The following RTN2 variants were observed in gnomAD, a reference collection of about 807,000 sequenced individuals.
RTN2 encodes reticulon 2, also known as reticulon-2.
RTN2 carries 36 observed loss-of-function variants against 63.7 expected under a neutral mutation model. The ratio of observed to expected loss-of-function variants is 0.56; its 90% CI spans 0.43 to 0.75. The LOEUF is 0.75. Ranked by LOEUF, RTN2 falls within the 30% of genes least tolerant of loss-of-function variation. The pLI is 0.00. For missense variants in RTN2, 673 were observed against 705.1 expected (o/e 0.95, Z 0.52); for synonymous variants, 312 against 313.0 (o/e 1.00, Z 0.03).
intron 4 of RTN2, chr19:45,493,843 A>G: frequency 3.1e-6 from 1 of 322,538 alleles, no homozygotes; most frequent in Non-Finnish European, 5.8e-6. Flanking sequence ...TTCCAGGTTC[A>G]AGCGATTCTC....
At chr19:45,486,364 G>A (rs1228563704) in intron 9 of RTN2, among the ~76,000 whole-genome samples, 1 of 152,202 alleles carries the variant, frequency 6.6e-6, no homozygotes, top group African/African-American at 2.4e-5. Flanking sequence ...CAGTGAGGCC[G>A]TGTCCTGGGC....
intron 4 of RTN2, among the ~76,000 whole-genome samples, chr19:45,493,590 C>T (rs1462658172): frequency 2.0e-5 from 3 of 151,856 alleles, no homozygotes; most frequent in Admixed American, 2.0e-4. Context: ...CCACTGCGCC[C>T]GGCCAAAAAG....
rs200770145 is a variant in RTN2, at chr19:45,489,676, C to CT, written c.1034-124dup. 80,295 of 495,940 alleles carry CT rather than the reference C, an allele frequency of 0.16. 3,343 individuals carry two copies. Among genetic ancestry groups the CT allele is most frequent in the Non-Finnish European group, 0.18 (50,722 of 285,004 alleles). 30.7% of individuals were successfully genotyped at this position (495,940 alleles called of 1,614,324 possible). ...ACCTGTTTGAGCATAACCTGATTTC[C>CT]TTTTTTTTTTTTTTTTTTTGAGAGA... On this transcript the variant is annotated intron_variant, in intron 5 of 10. Transcript: ENST00000245923.
intron 9 of RTN2, among the ~76,000 whole-genome samples, chr19:45,487,031 C>CTTTTTTTTT (rs1568621255): frequency 6.2e-5 from 5 of 80,338 alleles, no homozygotes; most frequent in Non-Finnish European, 1.3e-4. Flanking sequence ...CCATGCCCAG[C>CTTTTTTTTT]CTTTTTTTTT....
chr19:45,493,921 C>G, intron 4 of RTN2: 3 of 496,654 alleles, frequency 6.0e-6, no homozygotes, highest in East Asian at 7.9e-5. Context: ...AACTCCTCAC[C>G]TCAAGTGATC....
At chr19:45,491,197 T>A (rs1968151449) in intron 5 of RTN2, among the ~76,000 whole-genome samples, 1 of 151,508 alleles carries the variant, frequency 6.6e-6, no homozygotes, top group African/African-American at 2.4e-5. Context: ...GCCACATTTT[T>A]TTTTTTTTTA....
At chr19:45,491,439 C>A (rs1211124152) in intron 5 of RTN2, among the ~76,000 whole-genome samples, 1 of 151,346 alleles carries the variant, frequency 6.6e-6, no homozygotes, top group Non-Finnish European at 1.5e-5. Context: ...CAGCTCACTG[C>A]AGCCTCTGCC....
chr19:45,487,208 T>C (rs1222144006), intron 9 of RTN2, among the ~76,000 whole-genome samples: 1 of 151,890 alleles, frequency 6.6e-6, no homozygotes, highest in African/African-American at 2.4e-5. Flanking sequence ...CACACCTGGC[T>C]AGTTTTTAAC....
rs759898844 is a variant in RTN2, at chr19:45,494,617, G to A, written c.468C>T (p.Ser156=). The stretch of plus-strand genomic sequence containing the variant: ...AGCTGCTGGTGGAAGAGTCCTCCCC[G>A]GATCCCGTTCCCCGGGCCACCCAGC... ...HLGWVARGTG[S]GEDSSTSSST... The change falls in exon 3 of 11, where the codon TCC becomes TCT. Residue 156 remains serine (S), a synonymous_variant. Coordinates refer to ENST00000245923, the MANE Select transcript of RTN2 (RefSeq NM_005619.5). The surrounding 1 kb of genome is among the most constrained non-coding windows in gnomAD (Gnocchi z 5.3). The A allele has an allele frequency of 9.3e-6, 15 of 1,613,902 alleles. No homozygotes were observed. The South Asian group carries it at 1.1e-4, about 12-fold the overall frequency.
Position 45,494,005 on chromosome 19 carries a change from A to G in RTN2, c.814+161T>C, listed in dbSNP as rs1394817762. 1.6e-6 allele frequency: 2 copies of G among 1,245,354 alleles called. No homozygotes were observed. The highest frequency in any genetic ancestry group is 3.0e-5 in the African/African-American group (2 of 66,266). The allele number at this position is 1,245,354 out of a possible 1,614,324, so 77.1% of individuals were successfully genotyped here. On this transcript the variant is annotated intron_variant, in intron 4 of 10. Coordinates refer to ENST00000245923, the MANE Select transcript of RTN2 (RefSeq NM_005619.5). This position sits in a 1 kb window ranked among gnomAD's most constrained non-coding sequence, Gnocchi z 5.3. Reference sequence around the variant, plus strand: ...GCGCCCGGCCGGGGAAATTTTTTTAAAAAGCGGAGTTTATCACGTCTAGCC... The same window carrying G: ...GCGCCCGGCCGGGGAAATTTTTTTAGAAAGCGGAGTTTATCACGTCTAGCC...
In RTN2 at chr19:45,496,920, C is replaced by A. The variant is rs1968284928; in HGVS notation, c.-95G>T. The A allele has an allele frequency of 2.9e-6, 2 of 691,940 alleles. No homozygotes were observed. The highest frequency in any genetic ancestry group is 4.2e-6 in the Non-Finnish European group (2 of 476,130). 42.9% of individuals were successfully genotyped at this position (691,940 alleles called of 1,614,324 possible). ...GCGCTCATCTCCGCCGCGCCCACGA[C>A]GCCGCTGCCATTCTCGCCGCCTCCT... On this transcript the variant is annotated 5_prime_UTR_variant, in exon 1 of 11. Transcript: ENST00000245923.
At chr19:45,496,752 C>T in intron 1 of RTN2, 40 bp downstream of exon 1, 1 of 1,425,566 alleles carries the variant, frequency 7.0e-7, no homozygotes, top group Non-Finnish European at 9.4e-7. Context: ...CCACCTGAAC[C>T]TCTGGGGCCC....
chr19:45,494,603 G>C lies in RTN2; in HGVS notation c.482C>G (p.Ser161Cys). 1 of 1,614,044 alleles carries C rather than the reference G, an allele frequency of 6.2e-7. No homozygotes were observed. The highest frequency in any genetic ancestry group is 1.1e-5 in the South Asian group (1 of 91,080). ...TTCCAGCGGGGTGGAGCTGCTGGTGGAAGAGTCCTCCCCGGATCCCGTTCC... is the reference window on the plus strand; with the variant it reads ...TTCCAGCGGGGTGGAGCTGCTGGTGCAAGAGTCCTCCCCGGATCCCGTTCC... Reference protein sequence around the residue: ...ARGTGSGEDSSTSSSTPLEDE... With the variant: ...ARGTGSGEDSCTSSSTPLEDE... Residue 161 changes from serine (S) to cysteine (C), a missense_variant, in exon 3 of 11, where the codon TCC becomes TGC. Coordinates refer to ENST00000245923, the MANE Select transcript of RTN2 (RefSeq NM_005619.5). This position sits in a 1 kb window ranked among gnomAD's most constrained non-coding sequence, Gnocchi z 5.3.
At chr19:45,490,276 A>C (rs1384469507) in intron 5 of RTN2, among the ~76,000 whole-genome samples, 2 of 152,156 alleles carry the variant, frequency 1.3e-5, no homozygotes, top group Non-Finnish European at 2.9e-5. Context: ...CTGGGATTAC[A>C]GGCATGTGCT....
In RTN2 at chr19:45,494,276, A is replaced by G. The variant is rs766801044; in HGVS notation, c.704T>C (p.Leu235Ser). ...RDSNSGPEEP[L>S]LEEEEKQWGP... Reference sequence around the variant, plus strand: ...CCACTGCTTTTCTTCCTCTTCCAGCAATGGCTCTTCGGGCCCAGAGTTCGA... The same window carrying G: ...CCACTGCTTTTCTTCCTCTTCCAGCGATGGCTCTTCGGGCCCAGAGTTCGA... Residue 235 changes from leucine (L) to serine (S), a missense_variant, in exon 4 of 11, where the codon TTG becomes TCG. Transcript: ENST00000245923. The surrounding 1 kb of genome is among the most constrained non-coding windows in gnomAD (Gnocchi z 5.3). The G allele has an allele frequency of 6.2e-7, 1 of 1,613,870 alleles. No individual in the cohort carries two copies. The highest frequency in any genetic ancestry group is 2.2e-5 in the East Asian group (1 of 44,868).
intron 9 of RTN2, among the ~76,000 whole-genome samples, chr19:45,488,210 A>G (rs1968069920): frequency 6.7e-6 from 1 of 149,908 alleles, no homozygotes; most frequent in African/African-American, 2.5e-5. Flanking sequence ...CCGAGATCAC[A>G]CCACTGCACT....
At position 45,495,141 on chromosome 19, in the gene RTN2, T is replaced by A; in HGVS notation, c.35-2A>T. Reference sequence around the variant, plus strand: ...AGGAGGCTGTAGACGGAGCTTCTTCTGCGAGAGGGAAAGAATCGAAGACTC... The same window carrying A: ...AGGAGGCTGTAGACGGAGCTTCTTCAGCGAGAGGGAAAGAATCGAAGACTC... On this transcript the variant is annotated splice_acceptor_variant, in intron 1 of 10. Transcript: ENST00000245923. LOFTEE classifies it high-confidence loss of function. The A allele has an allele frequency of 1.2e-6, 2 of 1,614,056 alleles. No homozygotes were observed. The highest frequency in any genetic ancestry group is 1.7e-6 in the Non-Finnish European group (2 of 1,180,000).
Position 45,488,709 on chromosome 19 carries a change from G to A in RTN2, c.1381-3C>T. 6.2e-7 allele frequency: 1 copy of A among 1,613,312 alleles called. No homozygotes were observed. The highest frequency in any genetic ancestry group is 8.5e-7 in the Non-Finnish European group (1 of 1,179,704). On this transcript the variant is annotated splice_region_variant and splice_polypyrimidine_tract_variant and intron_variant, in intron 7 of 10. Transcript: ENST00000245923. ...AAGATGTAGAAGAGGAGGGCCAGCT[G>A]GGGGTGAAGGTCAGGGTCAGCAGAG... is the stretch of plus-strand genomic sequence containing the variant.
At chr19:45,487,874 C>A (rs1968061336) in intron 9 of RTN2, among the ~76,000 whole-genome samples, 1 of 145,674 alleles carries the variant, frequency 6.9e-6, no homozygotes, top group South Asian at 2.1e-4. Flanking sequence ...ACCTGGGAGG[C>A]AGAGGCTGCA....
Sources: allele counts gnomAD v4.1 joint callset (sites outside exome capture counted in the v4.1 genomes callset), GRCh38; gene constraint gnomAD v4.1.1; non-coding constraint Gnocchi (gnomAD v3.1); transcripts MANE v1.5; gene names NCBI Gene and HGNC (gene_info 2026-07-23, HGNC 2026-07-21).